Variants in HHAT observed in about 807,000 individuals in gnomAD.
HHAT encodes hedgehog acyltransferase, also known as protein-cysteine N-palmitoyltransferase HHAT.
HHAT carries 47 observed loss-of-function variants against 70.8 expected under a neutral mutation model. The observed-to-expected ratio is 0.66, with a 90% CI of 0.53 to 0.85. The LOEUF is 0.85. HHAT is among the 40% of genes least tolerant of loss of function. HHAT has a pLI of 0.00. For missense variants in HHAT, 609 were observed against 604.8 expected (o/e 1.01, Z -0.07); for synonymous variants, 228 against 247.6 (o/e 0.92, Z 0.74).
intron 7 of HHAT, 115 bp from the exon 8 acceptor site, chr1:210,464,390 A>G (rs1429615504): frequency 2.1e-6 from 2 of 955,118 alleles, no homozygotes; most frequent in African/African-American, 3.2e-5. Flanking sequence ...AGTTGAAGGG[A>G]GGAAGGGGTG....
chr1:210,330,640 G>A (rs2084905373), intron 1 of HHAT, among the ~76,000 whole-genome samples: 1 of 152,132 alleles, frequency 6.6e-6, no homozygotes, highest in African/African-American at 2.4e-5. Flanking sequence ...AGGAACTTGC[G>A]AGCATGGGCC....
chr1:210,518,791 C>A (rs1354119373), intron 9 of HHAT, among the ~76,000 whole-genome samples: 1 of 152,176 alleles, frequency 6.6e-6, no homozygotes, highest in East Asian at 1.9e-4. Context: ...AAGACACCGT[C>A]TCAAAAACAA....
At chr1:210,638,371 G>T (rs1477753321) in intron 11 of HHAT, among the ~76,000 whole-genome samples, 1 of 152,200 alleles carries the variant, frequency 6.6e-6, no homozygotes, top group Non-Finnish European at 1.5e-5. Flanking sequence ...ACTGATTTAT[G>T]CTACAACATG....
intron 10 of HHAT, among the ~76,000 whole-genome samples, chr1:210,596,605 C>A (rs1372630334): frequency 6.6e-6 from 1 of 152,026 alleles, no homozygotes; most frequent in Non-Finnish European, 1.5e-5. Flanking sequence ...CTAAGAGACT[C>A]TGAGGCATTC....
intron 1 of HHAT, among the ~76,000 whole-genome samples, chr1:210,332,522 A>G (rs1276217005): frequency 1.3e-5 from 2 of 152,228 alleles, no homozygotes; most frequent in Admixed American, 6.5e-5. Flanking sequence ...CTCTTCACCA[A>G]TAGTAAAGGG....
At chr1:210,632,544 G>T (rs778425436) in intron 11 of HHAT, among the ~76,000 whole-genome samples, 1 of 152,156 alleles carries the variant, frequency 6.6e-6, no homozygotes, top group Non-Finnish European at 1.5e-5. Flanking sequence ...AGGGAAGATG[G>T]AGCCGCCATT....
At chr1:210,409,482 G>A (rs573330792) in intron 6 of HHAT, among the ~76,000 whole-genome samples, 6 of 152,188 alleles carry the variant, frequency 3.9e-5, no homozygotes, top group Admixed American at 2.6e-4. Context: ...GATGGCTAGC[G>A]GGTGGGAGTA....
intron 9 of HHAT, among the ~76,000 whole-genome samples, chr1:210,544,687 GAGA>G (rs2095467763): frequency 6.6e-6 from 1 of 152,036 alleles, no homozygotes; most frequent in South Asian, 2.1e-4. Flanking sequence ...GTGTTTTTCA[GAGA>G]AGATCTACCA....
chr1:210,405,359 A>G (rs1486193715), intron 6 of HHAT, among the ~76,000 whole-genome samples: 1 of 151,498 alleles, frequency 6.6e-6, no homozygotes, highest in Admixed American at 6.6e-5. Context: ...TCCTCAACCT[A>G]CCTCTAGTTT....
At chr1:210,592,462 AT>A (rs1465007015) in intron 10 of HHAT, among the ~76,000 whole-genome samples, 7 of 151,980 alleles carry the variant, frequency 4.6e-5, no homozygotes, top group Non-Finnish European at 1.0e-4. Context: ...AAGTTAAGTA[AT>A]GTGATTCCTC....
chr1:210,530,883 A>T (rs2095307796), intron 9 of HHAT, among the ~76,000 whole-genome samples: 1 of 152,346 alleles, frequency 6.6e-6, no homozygotes, highest in African/African-American at 2.4e-5. Flanking sequence ...TAAGAAAAAA[A>T]AAATGCATAT....
Position 210,362,926 on chromosome 1 carries a change from A to G in HHAT, c.159+7A>G. 1 of 1,595,820 alleles carries G rather than the reference A, an allele frequency of 6.3e-7. No homozygotes were observed. Among genetic ancestry groups the G allele is most frequent in the Non-Finnish European group, 8.6e-7 (1 of 1,163,286 alleles). On this transcript the variant is annotated splice_region_variant and intron_variant, in intron 3 of 11. Transcript: ENST00000261458. Reference sequence around the variant, plus strand: ...ATTTGGAGGATTAAAGAAGGTACAAAGTGGATGCATAATAAATCTCAGTTT... The same window carrying G: ...ATTTGGAGGATTAAAGAAGGTACAAGGTGGATGCATAATAAATCTCAGTTT...
chr1:210,549,251 GAA>G (rs2095509198), intron 9 of HHAT, among the ~76,000 whole-genome samples: 1 of 149,314 alleles, frequency 6.7e-6, no homozygotes, highest in Non-Finnish European at 1.5e-5. Flanking sequence ...GGTGAGGAAA[GAA>G]TGATCAGATG....
intron 7 of HHAT, among the ~76,000 whole-genome samples, chr1:210,459,859 A>G (rs2093944438): frequency 6.6e-6 from 1 of 152,188 alleles, no homozygotes; most frequent in African/African-American, 2.4e-5. Flanking sequence ...CTGTTGGTTG[A>G]CTGTACTTGG....
At position 210,588,012 on chromosome 1, in the gene HHAT, G is replaced by C. The variant is rs776973400; in HGVS notation, c.1158G>C (p.Trp386Cys). 21 of 1,613,950 alleles carry C rather than the reference G, an allele frequency of 1.3e-5. No individual in the cohort carries two copies. In the South Asian group the frequency reaches 2.3e-4, roughly 18 times the overall value. ...SYWHGGYDYL[W>C]CWAALNWLGV... ...GGCATGGCGGCTACGACTACCTCTG[G>C]TGCTGGGCAGCGCTCAACTGGCTGG... The change falls in exon 10 of 12, where the codon TGG becomes TGC. Residue 386 changes from tryptophan to cysteine, a missense_variant. Transcript: ENST00000261458.
intron 9 of HHAT, among the ~76,000 whole-genome samples, chr1:210,528,159 G>A (rs1269652986): frequency 2.0e-5 from 3 of 151,992 alleles, no homozygotes; most frequent in South Asian, 2.1e-4. Context: ...CAGTAATGCC[G>A]AGAGAGAGAG....
chr1:210,419,662 C>T (rs775043289), intron 7 of HHAT, among the ~76,000 whole-genome samples: 6 of 152,194 alleles, frequency 3.9e-5, no homozygotes, highest in East Asian at 3.9e-4. Flanking sequence ...TGGTATCACA[C>T]GTACTTAATC....
At chr1:210,615,717 G>A (rs1667558338) in intron 10 of HHAT, among the ~76,000 whole-genome samples, 1 of 152,236 alleles carries the variant, frequency 6.6e-6, no homozygotes, top group Non-Finnish European at 1.5e-5. Context: ...GACCCTGTTT[G>A]CCTAGGTATC....
At chr1:210,415,397 C>T (rs1031062884) in intron 6 of HHAT, among the ~76,000 whole-genome samples, 2 of 152,080 alleles carry the variant, frequency 1.3e-5, no homozygotes, top group African/African-American at 4.8e-5. Context: ...CAGTTTATGC[C>T]CAGAAAGGGG....
Sources: allele counts gnomAD v4.1 joint callset (sites outside exome capture counted in the v4.1 genomes callset), GRCh38; gene constraint gnomAD v4.1.1; transcripts MANE v1.5; gene names NCBI Gene and HGNC (gene_info 2026-07-23, HGNC 2026-07-21).